Variants in CNTN4 observed in about 807,000 individuals in gnomAD.
CNTN4 encodes the protein contactin-4.
In CNTN4, 77 loss-of-function variants were observed where a neutral mutation model predicts 122.5. That is an observed-to-expected ratio of 0.63 (90% CI 0.52 to 0.76). CNTN4 has a LOEUF of 0.76. Among genes scored for constraint, CNTN4 ranks in the 30% least tolerant of loss-of-function variants. The pLI is 0.00. For synonymous variants in CNTN4, 512 were observed against 447.0 expected, an observed-to-expected ratio of 1.15 and a Z score of -1.83; for missense variants, 1,256 against 1,259.1, an observed-to-expected ratio of 1.00 and a Z score of 0.04.
At chr3:2,266,673 A>G (rs960019591) in intron 2 of CNTN4, among the ~76,000 whole-genome samples, 3 of 152,072 alleles carry the variant, frequency 2.0e-5, no homozygotes, top group African/African-American at 7.2e-5. Context: ...AAGAATTTAT[A>G]ATGTCTTCTA....
intron 6 of CNTN4, among the ~76,000 whole-genome samples, chr3:2,764,838 C>A (rs1288512888): frequency 6.6e-6 from 1 of 152,130 alleles, no homozygotes; most frequent in Non-Finnish European, 1.5e-5. Flanking sequence ...ACACTAGACA[C>A]CTGTACTCTT....
chr3:2,310,231 G>A (rs1362891431), intron 2 of CNTN4, among the ~76,000 whole-genome samples: 1 of 152,088 alleles, frequency 6.6e-6, no homozygotes, highest in Admixed American at 6.6e-5. Flanking sequence ...AATTTATTGG[G>A]TGCTTTTCAA....
At chr3:2,555,950 C>A (rs1017350755) in intron 3 of CNTN4, among the ~76,000 whole-genome samples, 1 of 152,022 alleles carries the variant, frequency 6.6e-6, no homozygotes, top group Non-Finnish European at 1.5e-5. Flanking sequence ...AACCTATTAC[C>A]CCAGGTTCAT....
intron 2 of CNTN4, among the ~76,000 whole-genome samples, chr3:2,302,478 T>A (rs2042560486): frequency 6.6e-6 from 1 of 152,220 alleles, no homozygotes; most frequent in South Asian, 2.1e-4. Flanking sequence ...ACGTTGGTTA[T>A]GTAATTTGAA....
At chr3:3,014,886 T>G (rs1045538446) in intron 14 of CNTN4, among the ~76,000 whole-genome samples, 1 of 150,216 alleles carries the variant, frequency 6.7e-6, no homozygotes. Flanking sequence ...TTGGTTTTTT[T>G]TTTTTTTTTT....
intron 2 of CNTN4, among the ~76,000 whole-genome samples, chr3:2,225,297 G>A (rs2149513680): frequency 1.3e-5 from 2 of 151,648 alleles, no homozygotes; most frequent in South Asian, 2.1e-4. Flanking sequence ...GGTGGATCAC[G>A]AGGTCAGGAG....
intron 6 of CNTN4, among the ~76,000 whole-genome samples, chr3:2,773,514 A>T (rs1486042114): frequency 6.6e-6 from 1 of 152,154 alleles, no homozygotes; most frequent in Non-Finnish European, 1.5e-5. Context: ...AACACTTGGC[A>T]ACTGGAGGAA....
chr3:2,584,558 G>A (rs552775677), intron 4 of CNTN4, among the ~76,000 whole-genome samples: 27 of 151,970 alleles, frequency 1.8e-4, no homozygotes, highest in African/African-American at 2.4e-4. Flanking sequence ...ACAAAAATTA[G>A]CAAGGCATGA....
chr3:2,223,891 G>A (rs942936698), intron 2 of CNTN4, among the ~76,000 whole-genome samples: 5 of 152,134 alleles, frequency 3.3e-5, no homozygotes, highest in African/African-American at 1.2e-4. Context: ...TTGAAGAAGG[G>A]TCAGATGATT....
At chr3:2,209,101 A>G (rs532332172) in intron 2 of CNTN4, among the ~76,000 whole-genome samples, 13 of 152,160 alleles carry the variant, frequency 8.5e-5, no homozygotes, top group Non-Finnish European at 1.8e-4. Context: ...AGCCCCCCAA[A>G]TCTCAGTGTA....
chr3:2,400,404 A>AATAT (rs36082705), intron 3 of CNTN4, among the ~76,000 whole-genome samples: 2,627 of 90,324 alleles, frequency 0.029, 91 homozygotes, highest in Middle Eastern at 0.056. Flanking sequence ...TATGTGTGTG[A>AATAT]ATATATATAT....
intron 2 of CNTN4, among the ~76,000 whole-genome samples, chr3:2,222,383 G>T (rs1478759933): frequency 2.6e-5 from 4 of 152,080 alleles, no homozygotes; most frequent in African/African-American, 9.7e-5. Context: ...GTTGCCAGGG[G>T]CTGGGAGGAG....
intron 7 of CNTN4, among the ~76,000 whole-genome samples, chr3:2,843,804 A>G (rs1013264030): frequency 2.0e-5 from 3 of 152,122 alleles, no homozygotes; most frequent in African/African-American, 7.2e-5. Context: ...CAATTAAGCT[A>G]ATTTTCTTAT....
At chr3:2,623,058 G>C (rs376291428) in intron 4 of CNTN4, among the ~76,000 whole-genome samples, 18 of 152,268 alleles carry the variant, frequency 1.2e-4, no homozygotes, top group African/African-American at 4.3e-4. Flanking sequence ...GCTGTGTTGT[G>C]GGGGCATATT....
At chr3:2,679,486 G>A (rs1576437185) in intron 4 of CNTN4, among the ~76,000 whole-genome samples, 3 of 152,240 alleles carry the variant, frequency 2.0e-5, no homozygotes, top group Admixed American at 1.3e-4. Context: ...TGTCTCTGAG[G>A]GGCATGGAAG....
At chr3:2,583,582 G>A (rs1173015937) in intron 4 of CNTN4, among the ~76,000 whole-genome samples, 2 of 152,236 alleles carry the variant, frequency 1.3e-5, no homozygotes, top group East Asian at 1.9e-4. Context: ...GTGGTTTTGG[G>A]GAACTTGGTG....
At chr3:2,316,231 T>C (rs964385997) in intron 2 of CNTN4, among the ~76,000 whole-genome samples, 1 of 152,122 alleles carries the variant, frequency 6.6e-6, no homozygotes, top group African/African-American at 2.4e-5. Flanking sequence ...TTAAGTACTC[T>C]AGCAGATAGA....
At chr3:2,247,586 CA>C (rs2040204373) in intron 2 of CNTN4, among the ~76,000 whole-genome samples, 1 of 151,932 alleles carries the variant, frequency 6.6e-6, no homozygotes. Flanking sequence ...TATTCGGGAA[CA>C]TTTTTGATTA....
At chr3:2,579,081 T>G (rs1385167224) in intron 4 of CNTN4, among the ~76,000 whole-genome samples, 1 of 152,176 alleles carries the variant, frequency 6.6e-6, no homozygotes, top group Non-Finnish European at 1.5e-5. Flanking sequence ...ACCCAAAAGT[T>G]ATTAGAAATG....
Sources: gnomAD v4.1 joint callset for allele counts (sites outside exome capture counted in the v4.1 genomes callset) on GRCh38, gnomAD v4.1.1 for gene constraint, MANE v1.5 for transcripts, NCBI Gene and HGNC (gene_info 2026-07-23, HGNC 2026-07-21) for gene names.